WDR33: variants seen among roughly 807,000 people sequenced by gnomAD.
The protein encoded by WDR33 is WD repeat domain 33, also known as pre-mRNA 3' end processing protein WDR33.
Under a neutral mutation model 164.9 loss-of-function variants are expected in WDR33, and 47 were observed. The observed-to-expected ratio is 0.29, with a 90% confidence interval of 0.23 to 0.36. WDR33 has a LOEUF of 0.36. Among genes scored for constraint, WDR33 ranks in the 10% least tolerant of loss-of-function variants. The probability of loss-of-function intolerance (pLI) is 1.00; values close to 1 mark genes in which losing one functional copy is unlikely to be tolerated. For synonymous variants in WDR33, 505 were observed against 589.0 expected, an observed-to-expected ratio of 0.86 and a Z score of 2.06; for missense variants, 1,137 against 1,754.1, an observed-to-expected ratio of 0.65 and a Z score of 6.28.
At chr2:127,743,109 T>A (rs1687066944) in intron 7 of WDR33, among the ~76,000 whole-genome samples, 1 of 152,128 alleles carries the variant, frequency 6.6e-6, no homozygotes, top group Non-Finnish European at 1.5e-5. Flanking sequence ...ATTTACCTCC[T>A]AAGCGCTATT....
intron 7 of WDR33, among the ~76,000 whole-genome samples, chr2:127,754,904 A>G (rs550131656): frequency 9.8e-5 from 15 of 152,312 alleles, no homozygotes; most frequent in African/African-American, 3.4e-4. Flanking sequence ...ACCCAGCTAA[A>G]TACTAATCTT....
Position 127,724,503 on chromosome 2 carries a change from C to G in WDR33, c.1086-60G>C. 6.9e-7 allele frequency: 1 copy of G among 1,448,004 alleles called. No individual in the cohort carries two copies. The highest frequency in any genetic ancestry group is 9.6e-7 in the Non-Finnish European group (1 of 1,037,152). The allele number at this position is 1,448,004 out of a possible 1,614,324, so 89.7% of individuals were successfully genotyped here. A position where few individuals can be genotyped will look rare whatever the true frequency, so the allele number is the denominator to read the frequency against. On this transcript the variant is annotated intron_variant, in intron 10 of 21. Transcript: ENST00000322313. The surrounding 1 kb of genome is among the most constrained non-coding windows in gnomAD (Gnocchi z 4.8). Reference sequence around the variant, plus strand: ...AAAAGTTACCCAGCTTCTCCCTCCCCCTCAAAAAAGACATTTTCTGTTACT... The same window carrying G: ...AAAAGTTACCCAGCTTCTCCCTCCCGCTCAAAAAAGACATTTTCTGTTACT...
At chr2:127,758,714 T>C (rs1030664528) in intron 7 of WDR33, among the ~76,000 whole-genome samples, 1 of 152,128 alleles carries the variant, frequency 6.6e-6, no homozygotes, top group East Asian at 1.9e-4. Flanking sequence ...TCCTTACTGA[T>C]TCCGTATTTT....
At position 127,701,989 on chromosome 2, in the gene WDR33, G is replaced by GCGCCACGCTGTT. The variant is rs1312442829; in HGVS notation, c.*4322_*4333dup. On this transcript the variant is annotated 3_prime_UTR_variant, in exon 22 of 22. Transcript: ENST00000322313. ...GCGCTGCTCTACATGGCAGCGCTGGGCGCCACGCTGTTCGCCGCGCTGGGC... is the reference window on the plus strand; with the variant it reads ...GCGCTGCTCTACATGGCAGCGCTGGGCGCCACGCTGTTCGCCACGCTGTTCGCCGCGCTGGGC... 8.9e-6 allele frequency: 12 copies of GCGCCACGCTGTT among 1,341,364 alleles called. No homozygotes were observed. The highest frequency in any genetic ancestry group is 1.7e-5 in the South Asian group (1 of 57,832). The allele number at this position is 1,341,364 out of a possible 1,614,324, so 83.1% of individuals were successfully genotyped here. A position where few individuals can be genotyped will look rare whatever the true frequency, so the allele number is the denominator to read the frequency against.
chr2:127,732,367 G>T (rs1686733744), intron 7 of WDR33, among the ~76,000 whole-genome samples: 1 of 151,756 alleles, frequency 6.6e-6, no homozygotes, highest in African/African-American at 2.4e-5. Context: ...GGGAAGTTGA[G>T]CACAGGAGGC....
rs978400611 is a variant in WDR33, at chr2:127,703,688, T to C, written c.*2635A>G. On this transcript the variant is annotated 3_prime_UTR_variant, in exon 22 of 22. Transcript: ENST00000322313. ...CAGAATGATTTATTTTTTTAATTAATTGTAAAGACTTGTGCCATTGGCTGC... is the reference window on the plus strand; with the variant it reads ...CAGAATGATTTATTTTTTTAATTAACTGTAAAGACTTGTGCCATTGGCTGC... 6.0e-6 allele frequency: 1 copy of C among 167,126 alleles called. No homozygotes were observed. The highest frequency in any genetic ancestry group is 2.4e-5 in the African/African-American group (1 of 41,466). 10.4% of individuals were successfully genotyped at this position (167,126 alleles called of 1,614,324 possible).
chr2:127,748,834 T>A (rs909802521), intron 7 of WDR33, among the ~76,000 whole-genome samples: 8 of 146,440 alleles, frequency 5.5e-5, no homozygotes, highest in African/African-American at 2.0e-4. Flanking sequence ...TGTCTCGATC[T>A]CCTGGGCTCA....
At chr2:127,786,009 C>A (rs1290898528) in intron 1 of WDR33, among the ~76,000 whole-genome samples, 2 of 152,184 alleles carry the variant, frequency 1.3e-5, no homozygotes, top group East Asian at 3.8e-4. Context: ...TTTTGCCATT[C>A]TAAAAGGTCT....
At chr2:127,802,641 T>A (rs1371779536) in intron 1 of WDR33, among the ~76,000 whole-genome samples, 3 of 152,044 alleles carry the variant, frequency 2.0e-5, no homozygotes, top group African/African-American at 7.2e-5. Context: ...GCTTAAAAAT[T>A]TTTTTTCAGT....
In WDR33 at chr2:127,716,129, C is replaced by T. The variant is rs560389809; in HGVS notation, c.2869+1026G>A. 6.6e-6 allele frequency among the ~76,000 whole-genome samples: 1 copy of T among 152,300 alleles called. No individual in the cohort carries two copies. The highest frequency in any genetic ancestry group is 2.4e-5 in the African/African-American group (1 of 41,542). Reference sequence around the variant, plus strand: ...GTTCCTTCTGTATAGCCTCTGCTACCACTTCCACACAATGGGACAGAAATA... The same window carrying T: ...GTTCCTTCTGTATAGCCTCTGCTACTACTTCCACACAATGGGACAGAAATA... On this transcript the variant is annotated intron_variant, in intron 17 of 21. Coordinates refer to ENST00000322313, the MANE Select transcript of WDR33 (RefSeq NM_018383.5). The surrounding 1 kb of genome is among the most constrained non-coding windows in gnomAD (Gnocchi z 4.5).
chr2:127,737,961 A>G (rs776103990), intron 7 of WDR33: 62 of 1,604,294 alleles, frequency 3.9e-5, no homozygotes, highest in African/African-American at 5.4e-5. Flanking sequence ...TATTCACAGA[A>G]GTTGGTAAAT....
rs1167826646 is a variant in WDR33, at chr2:127,719,518, A to G, written c.2507T>C (p.Met836Thr). 1.9e-6 allele frequency: 3 copies of G among 1,613,278 alleles called. No individual in the cohort carries two copies. Among genetic ancestry groups the G allele is most frequent in the East Asian group, 2.2e-5 (1 of 44,864 alleles). The change falls in exon 16 of 22, where the codon ATG becomes ACG. Residue 836 changes from methionine (M) to threonine (T), a missense_variant. Met to Thr is a moderately conservative substitution (Grantham distance 81). Transcript: ENST00000322313. The surrounding 1 kb of genome is among the most constrained non-coding windows in gnomAD (Gnocchi z 6.5). ...EMRGPQEIRG[M>T]QGPPPQGSML... ...TGATCCTTGGGGTGGAGGCCCCTGC[A>G]TGCCTCGGATCTCCTGAGGACCTCT... is the stretch of plus-strand genomic sequence containing the variant.
intron 7 of WDR33, among the ~76,000 whole-genome samples, chr2:127,750,675 AAAATAT>A (rs1687307716): frequency 1.8e-5 from 1 of 56,368 alleles, no homozygotes; most frequent in African/African-American, 1.2e-4. Flanking sequence ...AAAAAAAAAA[AAAATAT>A]ATATATATAT....
intron 7 of WDR33, chr2:127,736,165 T>C: frequency 2.0e-6 from 2 of 985,456 alleles, no homozygotes; most frequent in Non-Finnish European, 2.4e-6. Flanking sequence ...CGAGTCTTCT[T>C]TTCTCAAGAG....
intron 1 of WDR33, among the ~76,000 whole-genome samples, chr2:127,782,824 A>G (rs1688421558): frequency 6.6e-6 from 1 of 152,196 alleles, no homozygotes; most frequent in African/African-American, 2.4e-5. Flanking sequence ...CCTGGCTAAC[A>G]TGGTGAAACC....
At chr2:127,804,384 G>A (rs1020575965) in intron 1 of WDR33, among the ~76,000 whole-genome samples, 14 of 152,268 alleles carry the variant, frequency 9.2e-5, no homozygotes, top group African/African-American at 3.4e-4. Flanking sequence ...TCTGTGAGAT[G>A]TTACTGAGAC....
chr2:127,780,710 A>AC (rs1032091687), intron 1 of WDR33, among the ~76,000 whole-genome samples: 3 of 151,840 alleles, frequency 2.0e-5, no homozygotes, highest in Non-Finnish European at 2.9e-5. Context: ...GTAAACTTTC[A>AC]CCTCCAGTCC....
chr2:127,729,598 C>T (rs934214004), intron 7 of WDR33, among the ~76,000 whole-genome samples: 1 of 151,904 alleles, frequency 6.6e-6, no homozygotes, highest in South Asian at 2.1e-4. Context: ...CGGGTTCAAG[C>T]GATTCTCCTG....
intron 7 of WDR33, among the ~76,000 whole-genome samples, chr2:127,745,564 G>A (rs553499323): frequency 6.6e-6 from 1 of 152,310 alleles, no homozygotes; most frequent in East Asian, 1.9e-4. Context: ...GAGGACTTGT[G>A]AAGCAACCAA....
Sources: gnomAD v4.1 joint callset for allele counts (sites outside exome capture counted in the v4.1 genomes callset) on GRCh38, gnomAD v4.1.1 for gene constraint, Gnocchi (gnomAD v3.1) non-coding constraint, MANE v1.5 for transcripts, NCBI Gene and HGNC (gene_info 2026-07-23, HGNC 2026-07-21) for gene names.